MYT1L: variants seen among roughly 807,000 people sequenced by gnomAD.
The protein encoded by MYT1L is myelin transcription factor 1-like protein.
MYT1L carries 12 observed loss-of-function variants against 126.7 expected under a neutral mutation model. The ratio of observed to expected loss-of-function variants is 0.09; its 90% confidence interval spans 0.06 to 0.15. The LOEUF is 0.15. Ranked by LOEUF, MYT1L falls within the 10% of genes least tolerant of loss-of-function variation. The pLI, the probability that MYT1L is intolerant of heterozygous loss-of-function variation, is 1.00. For missense variants in MYT1L, 979 were observed against 1,585.2 expected (o/e 0.62, Z 6.49); for synonymous variants, 541 against 604.2 (o/e 0.90, Z 1.53).
chr2:2,217,697 C>CA (rs2093724481), intron 2 of MYT1L, among the ~76,000 whole-genome samples: 1 of 72,062 alleles, frequency 1.4e-5, no homozygotes, highest in African/African-American at 7.7e-5. Flanking sequence ...ACAACAACAA[C>CA]AACAACAACA....
chr2:1,944,229 C>T (rs1003856454), intron 8 of MYT1L, among the ~76,000 whole-genome samples: 5 of 152,058 alleles, frequency 3.3e-5, no homozygotes, highest in African/African-American at 1.2e-4. Context: ...TATCCCTCCC[C>T]GCTTCCCCGA....
chr2:2,005,025 T>A (rs1317427995), intron 4 of MYT1L, among the ~76,000 whole-genome samples: 2 of 151,636 alleles, frequency 1.3e-5, no homozygotes, highest in African/African-American at 4.9e-5. Context: ...CCTGCGTGCC[T>A]TCTTTCCTGC....
chr2:2,175,820 G>A (rs888119769), intron 2 of MYT1L, among the ~76,000 whole-genome samples: 7 of 152,194 alleles, frequency 4.6e-5, no homozygotes, highest in Admixed American at 2.0e-4. Context: ...AGTCCTGGCC[G>A]CCTGTCCCCA....
At chr2:2,176,238 G>A (rs1412056334) in intron 2 of MYT1L, among the ~76,000 whole-genome samples, 1 of 151,852 alleles carries the variant, frequency 6.6e-6, no homozygotes, top group African/African-American at 2.4e-5. Context: ...AATAAATAGG[G>A]ACATCTTAAT....
In MYT1L at chr2:1,794,015, T is replaced by C. The variant is rs989847467; in HGVS notation, c.3277-1551A>G. Among the ~76,000 whole-genome samples the C allele has an allele frequency of 5.3e-5, 8 of 152,268 alleles. 1 individual carries two copies. The South Asian group carries it at 1.7e-3, about 32-fold the overall frequency. Reference sequence around the variant, plus strand: ...GGGACCTTACTAGAGATGATGTCAGTGTAAGCAGACGTAGGTTTTCTATGA... The same window carrying C: ...GGGACCTTACTAGAGATGATGTCAGCGTAAGCAGACGTAGGTTTTCTATGA... On this transcript the variant is annotated intron_variant, in intron 23 of 24. Coordinates refer to ENST00000647738, the MANE Select transcript of MYT1L (RefSeq NM_001303052.2).
At chr2:2,195,878 A>G (rs1188279508) in intron 2 of MYT1L, among the ~76,000 whole-genome samples, 2 of 152,108 alleles carry the variant, frequency 1.3e-5, no homozygotes, top group African/African-American at 4.8e-5. Flanking sequence ...ATGGTAGAAA[A>G]TACATAAAAG....
At chr2:1,840,496 T>C (rs2041518720) in intron 20 of MYT1L, among the ~76,000 whole-genome samples, 1 of 151,942 alleles carries the variant, frequency 6.6e-6, no homozygotes, top group Admixed American at 6.6e-5. Context: ...AGGGAAGGCT[T>C]GTTTTTGGGG....
chr2:2,285,094 A>G (rs1020397175), intron 1 of MYT1L, among the ~76,000 whole-genome samples: 1 of 152,240 alleles, frequency 6.6e-6, no homozygotes, highest in African/African-American at 2.4e-5. Context: ...GAAACTTGAG[A>G]GAGTCCCTAG....
chr2:2,163,087 G>T (rs992399166), intron 3 of MYT1L, among the ~76,000 whole-genome samples: 4 of 152,134 alleles, frequency 2.6e-5, no homozygotes, highest in Non-Finnish European at 5.9e-5. Flanking sequence ...GGGTCTATCT[G>T]CAGAATAAAC....
At chr2:1,871,881 G>C (rs1254602943) in intron 18 of MYT1L, among the ~76,000 whole-genome samples, 2 of 152,150 alleles carry the variant, frequency 1.3e-5, no homozygotes, top group Non-Finnish European at 2.9e-5. Flanking sequence ...ATAGTAAGAG[G>C]TGACCATCCA....
intron 3 of MYT1L, among the ~76,000 whole-genome samples, chr2:2,120,912 C>T (rs1273316376): frequency 6.6e-6 from 1 of 151,804 alleles, no homozygotes; most frequent in Non-Finnish European, 1.5e-5. Flanking sequence ...GTTTTAATCT[C>T]AGGAATCCTG....
chr2:2,051,662 AT>A (rs760648087), intron 4 of MYT1L, among the ~76,000 whole-genome samples: 29 of 152,344 alleles, frequency 1.9e-4, no homozygotes, highest in Middle Eastern at 3.4e-3. Flanking sequence ...CAGACACAAC[AT>A]CTTCATCTTT....
At chr2:2,208,259 T>C (rs1287763329) in intron 2 of MYT1L, among the ~76,000 whole-genome samples, 1 of 152,238 alleles carries the variant, frequency 6.6e-6, no homozygotes, top group Non-Finnish European at 1.5e-5. Flanking sequence ...TCCCAGTGAA[T>C]GTGGGCTCAG....
intron 3 of MYT1L, among the ~76,000 whole-genome samples, chr2:2,083,263 C>T (rs916757484): frequency 6.6e-5 from 10 of 152,356 alleles, no homozygotes; most frequent in African/African-American, 2.4e-4. Context: ...GCAAATCCCC[C>T]ACTCAGCTCT....
At chr2:1,879,115 C>T (rs60941325) in intron 18 of MYT1L, among the ~76,000 whole-genome samples, 23,498 of 152,130 alleles carry the variant, frequency 0.15, 2,459 homozygotes, top group African/African-American at 0.3. Flanking sequence ...CCTGCTTCCC[C>T]GGCCCCTGTG....
chr2:2,149,915 A>C (rs910296026), intron 3 of MYT1L, among the ~76,000 whole-genome samples: 2 of 152,182 alleles, frequency 1.3e-5, no homozygotes. Context: ...CCTGTCTCTC[A>C]TCTGGACCAC....
chr2:2,187,116 TGACA>T (rs1417873305), intron 2 of MYT1L, among the ~76,000 whole-genome samples: 1 of 152,108 alleles, frequency 6.6e-6, no homozygotes, highest in Non-Finnish European at 1.5e-5. Flanking sequence ...GCACAGTGAG[TGACA>T]GACAAGCAAA....
At position 1,911,853 on chromosome 2, in the gene MYT1L, C is replaced by G. The variant is rs1357771813; in HGVS notation, c.1709+167G>C. Among the ~76,000 whole-genome samples, 3 of 152,218 alleles carry G rather than the reference C, an allele frequency of 2.0e-5. 1 individual carries two copies. Among genetic ancestry groups the G allele is most frequent in the Admixed American group, 1.3e-4 (2 of 15,284 alleles). ...GGCAACTAAAACCATCCAGTTTGCACCACAAGGGCGTGGAGTGCTTTCACT... is the reference window on the plus strand; with the variant it reads ...GGCAACTAAAACCATCCAGTTTGCAGCACAAGGGCGTGGAGTGCTTTCACT... On this transcript the variant is annotated intron_variant, in intron 12 of 24. Coordinates refer to ENST00000647738, the MANE Select transcript of MYT1L (RefSeq NM_001303052.2).
chr2:1,829,924 A>T (rs2039908418), intron 21 of MYT1L, among the ~76,000 whole-genome samples: 1 of 152,212 alleles, frequency 6.6e-6, no homozygotes, highest in Non-Finnish European at 1.5e-5. Context: ...CTGTTTCAAC[A>T]CAGACTTAAA....
Sources: gnomAD v4.1 joint callset for allele counts (sites outside exome capture counted in the v4.1 genomes callset) on GRCh38, gnomAD v4.1.1 for gene constraint, MANE v1.5 for transcripts, NCBI Gene and HGNC (gene_info 2026-07-23, HGNC 2026-07-21) for gene names.